ASTN1: variants seen among roughly 807,000 people sequenced by gnomAD.
ASTN1 encodes the protein astrotactin 1, also known as astrotactin-1.
Under a neutral mutation model 140.7 loss-of-function variants are expected in ASTN1, and 41 were observed. The observed-to-expected ratio is 0.29, with a 90% CI of 0.23 to 0.38. The LOEUF (loss-of-function observed/expected upper bound fraction) is 0.38, where lower values mean the gene tolerates loss of function less well. ASTN1 is among the 10% of genes least tolerant of loss of function. The pLI is 1.00. For synonymous variants in ASTN1, 640 were observed against 652.2 expected (o/e 0.98, Z 0.29); for missense variants, 1,479 against 1,678.8 (o/e 0.88, Z 2.08).
At chr1:176,932,545 G>A (rs2103089241) in intron 16 of ASTN1, among the ~76,000 whole-genome samples, 1 of 152,310 alleles carries the variant, frequency 6.6e-6, no homozygotes, top group Middle Eastern at 3.4e-3. Flanking sequence ...GATTGACGTA[G>A]ACCTACTAAA....
At chr1:177,012,594 C>T (rs940409281) in intron 8 of ASTN1, among the ~76,000 whole-genome samples, 1 of 152,176 alleles carries the variant, frequency 6.6e-6, no homozygotes, top group Non-Finnish European at 1.5e-5. Context: ...ACTGCTTTAG[C>T]CTGTCTTGTT....
At chr1:177,038,513 A>G (rs1425036660) in intron 2 of ASTN1, among the ~76,000 whole-genome samples, 3 of 152,180 alleles carry the variant, frequency 2.0e-5, no homozygotes, top group African/African-American at 7.2e-5. Flanking sequence ...AGGGAAGCAA[A>G]GAGGGAGGAA....
chr1:177,160,022 T>C (rs985988887), intron 1 of ASTN1, among the ~76,000 whole-genome samples: 2 of 152,222 alleles, frequency 1.3e-5, no homozygotes, highest in African/African-American at 2.4e-5. Context: ...AGTATTTGCA[T>C]AAAGATCACA....
At chr1:177,069,468 A>T (rs958291490) in intron 1 of ASTN1, among the ~76,000 whole-genome samples, 1 of 152,156 alleles carries the variant, frequency 6.6e-6, no homozygotes, top group Admixed American at 6.5e-5. Flanking sequence ...TGGAGAGTCC[A>T]TAGTTTGTTG....
At chr1:177,153,896 A>G (rs928048545) in intron 1 of ASTN1, among the ~76,000 whole-genome samples, 5 of 152,162 alleles carry the variant, frequency 3.3e-5, no homozygotes, top group African/African-American at 1.2e-4. Flanking sequence ...CACTCAGTGG[A>G]TTGACAAATA....
chr1:176,994,509 A>AT (rs1337044973), intron 8 of ASTN1, among the ~76,000 whole-genome samples: 1 of 152,046 alleles, frequency 6.6e-6, no homozygotes, highest in Non-Finnish European at 1.5e-5. Context: ...ACACTGGCTA[A>AT]TTTTAGCATT....
chr1:177,034,937 G>T (rs1002080696), intron 2 of ASTN1, among the ~76,000 whole-genome samples: 16 of 152,152 alleles, frequency 1.1e-4, no homozygotes, highest in Admixed American at 2.0e-4. Context: ...TGCTCATGTA[G>T]GGTTTTTTAG....
At chr1:177,080,434 G>T (rs1372765595) in intron 1 of ASTN1, among the ~76,000 whole-genome samples, 3 of 152,122 alleles carry the variant, frequency 2.0e-5, no homozygotes, top group African/African-American at 7.2e-5. Context: ...GTTATGGTTA[G>T]TATTAAATAA....
intron 16 of ASTN1, among the ~76,000 whole-genome samples, chr1:176,912,950 A>G (rs1478613016): frequency 6.6e-6 from 1 of 152,182 alleles, no homozygotes; most frequent in South Asian, 2.1e-4. Context: ...AAGAAAAAAG[A>G]ACAGCCTTCT....
chr1:176,863,228 A>G lies in ASTN1; in HGVS notation c.*1056T>C, dbSNP rs1017202225. 2 of 985,780 alleles carry G rather than the reference A, an allele frequency of 2.0e-6. No homozygotes were observed. The highest frequency in any genetic ancestry group is 2.4e-6 in the Non-Finnish European group (2 of 829,940). The allele number at this position is 985,780 out of a possible 1,614,324, so 61.1% of individuals were successfully genotyped here. On this transcript the variant is annotated 3_prime_UTR_variant, in exon 23 of 23. Coordinates refer to ENST00000361833, the MANE Select transcript of ASTN1 (RefSeq NM_004319.3). ...AAACGATTTGCAAAACTAGCAACAC[A>G]AGCAAATTTAGCAAGGTGGGGATGA... is the stretch of plus-strand genomic sequence containing the variant.
intron 7 of ASTN1, among the ~76,000 whole-genome samples, chr1:177,015,866 A>C (rs1024955217): frequency 6.6e-6 from 1 of 152,204 alleles, no homozygotes; most frequent in Admixed American, 6.5e-5. Flanking sequence ...CAAACTACTG[A>C]GGCCAGTTAC....
chr1:177,018,659 G>C (rs1675678633), intron 7 of ASTN1, among the ~76,000 whole-genome samples: 1 of 152,130 alleles, frequency 6.6e-6, no homozygotes, highest in Non-Finnish European at 1.5e-5. Context: ...GGATTGATGG[G>C]GGCTGTGAAA....
chr1:176,930,433 G>A (rs541839382), intron 16 of ASTN1, among the ~76,000 whole-genome samples: 49 of 152,304 alleles, frequency 3.2e-4, no homozygotes, highest in Admixed American at 2.2e-3. Context: ...AAAGGACAGC[G>A]CCCAGCAGTA....
At chr1:176,919,543 C>A (rs1456168498) in intron 16 of ASTN1, among the ~76,000 whole-genome samples, 1 of 152,164 alleles carries the variant, frequency 6.6e-6, no homozygotes, top group Non-Finnish European at 1.5e-5. Flanking sequence ...TCCACCTTAC[C>A]ATGGTCAGTG....
At chr1:177,057,752 T>C (rs1292714329) in intron 2 of ASTN1, among the ~76,000 whole-genome samples, 2 of 152,228 alleles carry the variant, frequency 1.3e-5, no homozygotes, top group African/African-American at 4.8e-5. Context: ...TGTTATTTCA[T>C]AACTAAAGGG....
intron 17 of ASTN1, among the ~76,000 whole-genome samples, chr1:176,893,015 G>A (rs1669332297): frequency 6.6e-6 from 1 of 152,218 alleles, no homozygotes; most frequent in South Asian, 2.1e-4. Context: ...GGGAGAAAGG[G>A]AAGGGGCTGG....
At chr1:177,077,140 C>T (rs1359276157) in intron 1 of ASTN1, among the ~76,000 whole-genome samples, 1 of 152,080 alleles carries the variant, frequency 6.6e-6, no homozygotes, top group Non-Finnish European at 1.5e-5. Context: ...CTTCTGCATG[C>T]CGCGTTCACT....
At chr1:177,008,030 GT>G (rs1303951130) in intron 8 of ASTN1, among the ~76,000 whole-genome samples, 1 of 152,166 alleles carries the variant, frequency 6.6e-6, no homozygotes, top group Admixed American at 6.5e-5. Flanking sequence ...CAAGTTACAT[GT>G]TTTCGCTTGA....
intron 2 of ASTN1, among the ~76,000 whole-genome samples, chr1:177,040,825 A>T (rs1408903690): frequency 2.6e-5 from 4 of 152,216 alleles, no homozygotes; most frequent in African/African-American, 9.6e-5. Context: ...TCGTCTAATG[A>T]GAGCCTGAAG....
Sources: gnomAD v4.1 joint callset for allele counts (sites outside exome capture counted in the v4.1 genomes callset) on GRCh38, gnomAD v4.1.1 for gene constraint, MANE v1.5 for transcripts, NCBI Gene and HGNC (gene_info 2026-07-23, HGNC 2026-07-21) for gene names.